CNPY1: variants seen among roughly 807,000 people sequenced by gnomAD.
The protein encoded by CNPY1 is protein canopy homolog 1.
CNPY1 carries 14 observed loss-of-function variants against 14.4 expected under a neutral mutation model. That is an observed-to-expected ratio of 0.97 (90% CI 0.64 to 1.52). The LOEUF (loss-of-function observed/expected upper bound fraction) is 1.52. Ranked by LOEUF, CNPY1 falls within the 40% of genes most tolerant of loss-of-function variation. The pLI is 0.00. For synonymous variants in CNPY1, 43 were observed against 46.5 expected, an observed-to-expected ratio of 0.92 and a Z score of 0.31; for missense variants, 129 against 131.5, an observed-to-expected ratio of 0.98 and a Z score of 0.09.
At chr7:155,543,789 G>A (rs1023448546) in intron 2 of CNPY1, among the ~76,000 whole-genome samples, 2 of 152,184 alleles carry the variant, frequency 1.3e-5, no homozygotes, top group Non-Finnish European at 2.9e-5. Context: ...ATGCTGGCCT[G>A]GGCTACTTCT....
chr7:155,503,082 G>C lies in CNPY1; in HGVS notation c.424C>G (p.His142Asp). 1 of 1,604,768 alleles carries C rather than the reference G, an allele frequency of 6.2e-7. No homozygotes were observed. The highest frequency in any genetic ancestry group is 1.1e-5 in the South Asian group (1 of 90,826). ...GAACGGCACTCCTAGAGCTCAGTAT[G>C]ATTAGCAGAAGTTTCACACAGATCT... ...KSDLCETSANHTEL is the reference protein window; with the variant it reads ...KSDLCETSANDTEL The change falls in exon 5 of 5, where the codon CAT becomes GAT. Residue 142 changes from histidine to aspartate, a missense_variant. By Grantham distance (81) the His-to-Asp change is moderately conservative (BLOSUM62 -1). Coordinates refer to ENST00000636446, the MANE Select transcript of CNPY1 (RefSeq NM_001393663.1).
intron 2 of CNPY1, among the ~76,000 whole-genome samples, chr7:155,544,342 G>T (rs542241719): frequency 6.6e-6 from 1 of 152,342 alleles, no homozygotes; most frequent in Admixed American, 6.5e-5. Context: ...GGGCCACCCG[G>T]CTCCTCCCCT....
chr7:155,520,987 C>A (rs528424757), intron 2 of CNPY1, among the ~76,000 whole-genome samples: 5 of 150,044 alleles, frequency 3.3e-5, no homozygotes, highest in Non-Finnish European at 7.4e-5. Flanking sequence ...ATTAGCCTGG[C>A]GTGGTGGCAC....
chr7:155,508,638 C>T (rs188302829), intron 3 of CNPY1, among the ~76,000 whole-genome samples: 166 of 152,302 alleles, frequency 1.1e-3, no homozygotes, highest in Non-Finnish European at 7.8e-4. Flanking sequence ...CAGCACCTTC[C>T]GTAAAGTATC....
chr7:155,514,849 G>C (rs1485375301), intron 2 of CNPY1, among the ~76,000 whole-genome samples: 1 of 152,072 alleles, frequency 6.6e-6, no homozygotes, highest in Admixed American at 6.5e-5. Context: ...AGCCGAGATC[G>C]CGCCATTGCA....
chr7:155,503,092 A>C lies in CNPY1; in HGVS notation c.414T>G (p.Thr138=). 6.3e-7 allele frequency: 1 copy of C among 1,597,616 alleles called. No individual in the cohort carries two copies. The highest frequency in any genetic ancestry group is 1.1e-5 in the South Asian group (1 of 90,670). ...CCTAGAGCTCAGTATGATTAGCAGAAGTTTCACACAGATCTGGAAAAAAAA... is the reference window on the plus strand; with the variant it reads ...CCTAGAGCTCAGTATGATTAGCAGACGTTTCACACAGATCTGGAAAAAAAA... ...LCSEKSDLCE[T]SANHTEL Residue 138 remains threonine, a synonymous_variant, in exon 5 of 5, where the codon ACT becomes ACG. Transcript: ENST00000636446.
chr7:155,533,551 C>T (rs1028282610), intron 2 of CNPY1, among the ~76,000 whole-genome samples: 2 of 152,196 alleles, frequency 1.3e-5, no homozygotes, highest in African/African-American at 4.8e-5. Flanking sequence ...GCGCGGGAAG[C>T]CCCGCAGCAC....
chr7:155,539,903 G>A (rs1352312239), intron 2 of CNPY1, among the ~76,000 whole-genome samples: 1 of 152,178 alleles, frequency 6.6e-6, no homozygotes, highest in African/African-American at 2.4e-5. Flanking sequence ...ATTCTCTTAG[G>A]AAACTGAATA....
chr7:155,533,655 G>T (rs777041769), intron 2 of CNPY1: 4 of 152,216 alleles, frequency 2.6e-5, no homozygotes, highest in Non-Finnish European at 5.9e-5. Context: ...CGTCCACAGC[G>T]CCGGGCGTTA....
intron 2 of CNPY1, among the ~76,000 whole-genome samples, chr7:155,531,526 T>C (rs60948456): frequency 0.074 from 11,301 of 152,232 alleles, 1,288 homozygotes; most frequent in African/African-American, 0.25. Context: ...TCCTGACTTA[T>C]AGGCTGCTCA....
intron 2 of CNPY1, among the ~76,000 whole-genome samples, chr7:155,541,124 C>G (rs1357810950): frequency 1.4e-4 from 22 of 152,194 alleles, no homozygotes; most frequent in Admixed American, 1.3e-3. Context: ...TCCCACCTGT[C>G]CCCAACAGCC....
chr7:155,520,428 C>CTTTTTTTTT (rs71522007), intron 2 of CNPY1, among the ~76,000 whole-genome samples: 8 of 69,432 alleles, frequency 1.2e-4, no homozygotes, highest in African/African-American at 1.9e-4. Context: ...TTCTTTCTTT[C>CTTTTTTTTT]TTTTTTTTTT....
intron 4 of CNPY1, among the ~76,000 whole-genome samples, chr7:155,503,748 G>A (rs922919633): frequency 6.6e-6 from 1 of 152,116 alleles, no homozygotes; most frequent in African/African-American, 2.4e-5. Flanking sequence ...ATTGTGATGT[G>A]GCAAATTCAT....
At chr7:155,518,194 C>T (rs1796657670) in intron 2 of CNPY1, among the ~76,000 whole-genome samples, 1 of 152,206 alleles carries the variant, frequency 6.6e-6, no homozygotes, top group Non-Finnish European at 1.5e-5. Context: ...GGGCCAGCAG[C>T]ATGGCTTCCG....
At chr7:155,504,682 ACCC>A (rs1309052934) in intron 4 of CNPY1, among the ~76,000 whole-genome samples, 2 of 127,096 alleles carry the variant, frequency 1.6e-5, no homozygotes, top group Admixed American at 8.8e-5. Context: ...GCAGTTTCAT[ACCC>A]CCCAACACAC....
At chr7:155,528,554 A>T (rs1192647196) in intron 2 of CNPY1, among the ~76,000 whole-genome samples, 3 of 152,246 alleles carry the variant, frequency 2.0e-5, no homozygotes, top group Non-Finnish European at 4.4e-5. Context: ...GTGGGTAGAC[A>T]GTGGCACTCA....
chr7:155,543,862 G>A (rs947387278), intron 2 of CNPY1, among the ~76,000 whole-genome samples: 2 of 152,216 alleles, frequency 1.3e-5, no homozygotes, highest in Non-Finnish European at 2.9e-5. Context: ...TTGTAGCTGC[G>A]ACTCTAAGAT....
chr7:155,522,136 G>A (rs1375863394), intron 2 of CNPY1, among the ~76,000 whole-genome samples: 4 of 152,384 alleles, frequency 2.6e-5, no homozygotes, highest in East Asian at 1.9e-4. Context: ...TCACCCAGGC[G>A]CTGCATCTTC....
At chr7:155,535,121 G>A (rs187265352) in intron 2 of CNPY1, among the ~76,000 whole-genome samples, 142 of 152,342 alleles carry the variant, frequency 9.3e-4, no homozygotes, top group Middle Eastern at 3.4e-3. Flanking sequence ...AAACAAACAA[G>A]TGGCAAAACA....
Sources: allele counts gnomAD v4.1 joint callset (sites outside exome capture counted in the v4.1 genomes callset), GRCh38; gene constraint gnomAD v4.1.1; transcripts MANE v1.5; gene names NCBI Gene and HGNC (gene_info 2026-07-23, HGNC 2026-07-21).